Variants in CDC42BPB observed in about 807,000 individuals in gnomAD.
CDC42BPB encodes the protein serine/threonine-protein kinase MRCK beta.
CDC42BPB carries 37 observed loss-of-function variants against 214.9 expected under a neutral mutation model. The observed-to-expected ratio is 0.17, with a 90% confidence interval of 0.13 to 0.23. The LOEUF (loss-of-function observed/expected upper bound fraction) is 0.23. CDC42BPB is among the 10% of genes least tolerant of loss of function. The probability of loss-of-function intolerance (pLI) is 1.00; values close to 1 mark genes in which losing one functional copy is unlikely to be tolerated. For synonymous variants in CDC42BPB, 931 were observed against 884.0 expected (o/e 1.05, Z -0.94); for missense variants, 1,694 against 2,227.0 (o/e 0.76, Z 4.82).
In CDC42BPB at chr14:102,985,993, G is replaced by C. The variant is rs369315527; in HGVS notation, c.690+494C>G. ...ACCTCCTGTTCTTTCCCTGCTGGCG[G>C]GAGTGTCAGCTGGCCCCGTAACACT... On this transcript the variant is annotated intron_variant, in intron 6 of 36. Coordinates refer to ENST00000361246, the MANE Select transcript of CDC42BPB (RefSeq NM_006035.4). Among the ~76,000 whole-genome samples the C allele has an allele frequency of 9.2e-5, 14 of 152,340 alleles. No homozygotes were observed. In the East Asian group the frequency reaches 2.7e-3, roughly 29 times the overall value.
intron 34 of CDC42BPB, among the ~76,000 whole-genome samples, chr14:102,938,975 C>G (rs1341879007): frequency 1.3e-5 from 2 of 148,618 alleles, no homozygotes; most frequent in African/African-American, 2.5e-5. Flanking sequence ...CTTGCTCTGT[C>G]ACCCAGGCTG....
rs1326113803 is a variant in CDC42BPB, at chr14:103,056,980, C to T, written c.175+19G>A. 7 of 1,391,954 alleles carry T rather than the reference C, an allele frequency of 5.0e-6. No individual in the cohort carries two copies. The highest frequency in any genetic ancestry group is 3.0e-5 in the East Asian group (1 of 32,874). The allele number at this position is 1,391,954 out of a possible 1,614,324, so 86.2% of individuals were successfully genotyped here. On this transcript the variant is annotated intron_variant, in intron 1 of 36. Coordinates refer to ENST00000361246, the MANE Select transcript of CDC42BPB (RefSeq NM_006035.4). ...GGGGTCGCAGAGCCGCAGGTCCGGC[C>T]CTGCCGGCGCGCACTTACCCCACTC...
intron 8 of CDC42BPB, chr14:102,978,455 G>T: frequency 2.4e-6 from 1 of 410,814 alleles, no homozygotes; most frequent in Non-Finnish European, 3.3e-6. Context: ...GATGACAGTG[G>T]CACAGGCCGT....
chr14:103,016,986 T>G (rs917209269), intron 1 of CDC42BPB, among the ~76,000 whole-genome samples: 6 of 151,980 alleles, frequency 3.9e-5, no homozygotes, highest in Non-Finnish European at 8.8e-5. Flanking sequence ...GAAGTGAGAG[T>G]GTGCTCAAAA....
Position 102,952,568 on chromosome 14 carries a change from G to A in CDC42BPB, c.3102C>T (p.Ser1034=). The change falls in exon 24 of 37, where the codon TCC becomes TCT. Residue 1034 remains serine (S), a synonymous_variant. Coordinates refer to ENST00000361246, the MANE Select transcript of CDC42BPB (RefSeq NM_006035.4). ...KAHQFSIKSF[S]SPTQCSHCTS... is the part of the protein sequence containing the mutation. Reference sequence around the variant, plus strand: ...TGCAGTGGCTGCACTGAGTAGGGCTGGAGAAGGACTTGATGCTGAACTGGT... The same window carrying A: ...TGCAGTGGCTGCACTGAGTAGGGCTAGAGAAGGACTTGATGCTGAACTGGT... The A allele has an allele frequency of 6.2e-7, 1 of 1,614,026 alleles. No individual in the cohort carries two copies. The highest frequency in any genetic ancestry group is 8.5e-7 in the Non-Finnish European group (1 of 1,179,928).
intron 34 of CDC42BPB, 175 bp from the exon 35 acceptor site, chr14:102,938,586 A>AATAGC: frequency 2.0e-6 from 2 of 982,778 alleles, no homozygotes; most frequent in Non-Finnish European, 2.4e-6. Flanking sequence ...AAGAACTGGC[A>AATAGC]ATAGCAACTT....
intron 7 of CDC42BPB, among the ~76,000 whole-genome samples, chr14:102,981,855 CAA>C: frequency 6.6e-6 from 1 of 152,252 alleles, no homozygotes; most frequent in Middle Eastern, 3.4e-3. Context: ...GATACAATGA[CAA>C]AAAACTGTTG....
intron 20 of CDC42BPB, among the ~76,000 whole-genome samples, chr14:102,960,937 T>C (rs543375273): frequency 9.2e-5 from 14 of 152,056 alleles, no homozygotes; most frequent in Non-Finnish European, 1.8e-4. Context: ...GGCAGTCAGA[T>C]TGCTTGAGTC....
intron 24 of CDC42BPB, among the ~76,000 whole-genome samples, chr14:102,952,187 CA>C (rs34761233): frequency 6.6e-6 from 1 of 151,692 alleles, no homozygotes; most frequent in African/African-American, 2.4e-5. Flanking sequence ...CAACTCTCTA[CA>C]AAAAAAATTT....
intron 12 of CDC42BPB, 32 bp from the exon 13 acceptor site, chr14:102,972,193 T>C: frequency 6.2e-7 from 1 of 1,605,174 alleles, no homozygotes; most frequent in Non-Finnish European, 8.5e-7. Context: ...TGTTTTACGT[T>C]TGCCTAACAA....
Position 102,944,633 on chromosome 14 carries a change from G to A in CDC42BPB, c.3812-146C>T. ...GTGTGCACAGCCTGAGCCCGGCCCT[G>A]AGCCCGTCTCTGCCCACAGAGCCAG... On this transcript the variant is annotated intron_variant, in intron 29 of 36. Coordinates refer to ENST00000361246, the MANE Select transcript of CDC42BPB (RefSeq NM_006035.4). The surrounding 1 kb of genome is among the most constrained non-coding windows in gnomAD (Gnocchi z 6.6). 6.9e-7 allele frequency: 1 copy of A among 1,446,758 alleles called. No individual in the cohort carries two copies. Among genetic ancestry groups the A allele is most frequent in the East Asian group, 2.5e-5 (1 of 39,944 alleles). 89.6% of individuals were successfully genotyped at this position (1,446,758 alleles called of 1,614,324 possible).
rs764049477 is a variant in CDC42BPB, at chr14:102,933,790, G to A, written c.5058C>T (p.Ser1686=). The stretch of plus-strand genomic sequence containing the variant: ...GGGGGGAGTTGGGGCTCGGTGGGCC[G>A]CTGGGGTTGGAGCTATTCGATGGAG... ...HSTPSNSSNP[S]GPPSPNSPHR... is the part of the protein sequence containing the mutation. The change falls in exon 37 of 37, where the codon AGC becomes AGT. Residue 1686 remains serine (S), a synonymous_variant. Coordinates refer to ENST00000361246, the MANE Select transcript of CDC42BPB (RefSeq NM_006035.4). 22 of 1,501,194 alleles carry A rather than the reference G, an allele frequency of 1.5e-5. No individual in the cohort carries two copies. The highest frequency in any genetic ancestry group is 1.0e-4 in the African/African-American group (7 of 68,250). 93.0% of individuals were successfully genotyped at this position (1,501,194 alleles called of 1,614,324 possible).
chr14:103,056,946 TG>T, intron 1 of CDC42BPB, 52 bp downstream of exon 1: 1 of 1,210,252 alleles, frequency 8.3e-7, no homozygotes, highest in Non-Finnish European at 1.1e-6. Flanking sequence ...ATGCGCGGGC[TG>T]GGGCGCGGGG....
intron 1 of CDC42BPB, chr14:103,041,789 C>A (rs982667062): frequency 8.7e-6 from 4 of 459,800 alleles, no homozygotes; most frequent in Non-Finnish European, 1.2e-5. Context: ...TCCACCGAGT[C>A]CCTGCAGGCC....
intron 36 of CDC42BPB, chr14:102,936,792 T>G (rs1023212806): frequency 6.6e-6 from 1 of 151,776 alleles, no homozygotes; most frequent in African/African-American, 2.4e-5. Flanking sequence ...CCAGCTAGAG[T>G]GGAAATGTTT....
chr14:103,045,347 AGCT>A (rs1170686424), intron 1 of CDC42BPB, among the ~76,000 whole-genome samples: 1 of 152,196 alleles, frequency 6.6e-6, no homozygotes, highest in Non-Finnish European at 1.5e-5. Flanking sequence ...GGTTAAACAC[AGCT>A]CTATGACATT....
chr14:102,987,788 A>AACACACACACACACACAC (rs57579935), intron 5 of CDC42BPB, among the ~76,000 whole-genome samples: 3 of 140,846 alleles, frequency 2.1e-5, no homozygotes, highest in Non-Finnish European at 3.1e-5. Flanking sequence ...CAAACACACA[A>AACACACACACACACACAC]ACACACACAC....
intron 5 of CDC42BPB, among the ~76,000 whole-genome samples, chr14:102,998,646 G>A (rs1894847112): frequency 6.6e-6 from 1 of 152,220 alleles, no homozygotes; most frequent in Admixed American, 6.5e-5. Context: ...CCTGAGAGCA[G>A]GAGACGGAGC....
chr14:103,050,652 G>A (rs889171314), intron 1 of CDC42BPB, among the ~76,000 whole-genome samples: 54 of 152,096 alleles, frequency 3.6e-4, no homozygotes, highest in African/African-American at 1.3e-3. Context: ...AGCTATTCAG[G>A]AGGCTGAGGC....
Sources: gnomAD v4.1 joint callset for allele counts (sites outside exome capture counted in the v4.1 genomes callset) on GRCh38, gnomAD v4.1.1 for gene constraint, Gnocchi (gnomAD v3.1) non-coding constraint, MANE v1.5 for transcripts, NCBI Gene and HGNC (gene_info 2026-07-23, HGNC 2026-07-21) for gene names.